NAGPA: variants seen among roughly 807,000 people sequenced by gnomAD.
The protein encoded by NAGPA is alpha-N-acetylglucosaminyl phosphodiesterase.
In NAGPA, 56 loss-of-function variants were observed where a neutral mutation model predicts 48.5. That is an observed-to-expected ratio of 1.15 (90% confidence interval 0.93 to 1.44). The LOEUF is 1.44. NAGPA is among the 40% of genes most tolerant of loss of function. The pLI, the probability that NAGPA is intolerant of heterozygous loss-of-function variation, is 0.00. For synonymous variants in NAGPA, 399 were observed against 315.5 expected, an observed-to-expected ratio of 1.26 and a Z score of -2.81; for missense variants, 888 against 735.0, an observed-to-expected ratio of 1.21 and a Z score of -2.41.
chr16:5,033,828 C>G lies in NAGPA; in HGVS notation c.86+1G>C. Reference sequence around the variant, plus strand: ...AGGCTGGCCCAGGGAGCTGCACTCACCCCGAGTCGAGGCCGCCGGACGCTT... The same window carrying G: ...AGGCTGGCCCAGGGAGCTGCACTCAGCCCGAGTCGAGGCCGCCGGACGCTT... On this transcript the variant is annotated splice_donor_variant, in intron 1 of 9. Coordinates refer to ENST00000312251, the MANE Select transcript of NAGPA (RefSeq NM_016256.4). LOFTEE classifies it high-confidence loss of function. This position sits in a 1 kb window ranked among gnomAD's most constrained non-coding sequence, Gnocchi z 4.2. The G allele has an allele frequency of 6.4e-7, 1 of 1,552,530 alleles. No individual in the cohort carries two copies. Among genetic ancestry groups the G allele is most frequent in the Non-Finnish European group, 8.7e-7 (1 of 1,148,726 alleles).
intron 3 of NAGPA, chr16:5,030,776 AGCCTCTTCCTCCTCCT>A (rs889771554): frequency 1.1e-4 from 56 of 490,022 alleles, no homozygotes; most frequent in Middle Eastern, 5.7e-4. Flanking sequence ...TGCCCTCCCC[AGCCTCTTCCTCCTCCT>A]GCCTCAGCTC....
At chr16:5,028,765 G>A in intron 5 of NAGPA, 115 bp downstream of exon 5, 1 of 1,538,828 alleles carries the variant, frequency 6.5e-7, no homozygotes, top group East Asian at 2.2e-5. Flanking sequence ...AGCAATTTCT[G>A]CTCTCTTGAA....
rs770242935 is a variant in NAGPA, at chr16:5,033,314, G to A, written c.501C>T (p.Asn167=). 1.1e-4 allele frequency: 177 copies of A among 1,597,216 alleles called. 1 individual carries two copies. The South Asian group carries it at 1.9e-3, about 17-fold the overall frequency. The change falls in exon 2 of 10, where the codon AAC becomes AAT. Residue 167 remains asparagine (N), a synonymous_variant. Transcript: ENST00000312251. The surrounding 1 kb of genome is among the most constrained non-coding windows in gnomAD (Gnocchi z 4.2). ...CGTCGCGGCGGATCCCGAACTGCGC[G>A]TTCTGCAGCCCCCCGGAGCTGCTCA... ...RRVSSSGGLQ[N]AQFGIRRDGT...
chr16:5,028,829 T>C, intron 5 of NAGPA, 51 bp downstream of exon 5: 1 of 1,612,916 alleles, frequency 6.2e-7, no homozygotes, highest in South Asian at 1.1e-5. Flanking sequence ...TGAGACAGGC[T>C]GGGGCAGACC....
At chr16:5,032,477 G>A (rs1464805775) in intron 2 of NAGPA, among the ~76,000 whole-genome samples, 2 of 146,098 alleles carry the variant, frequency 1.4e-5, no homozygotes, top group Non-Finnish European at 3.0e-5. Context: ...CCAATATGGT[G>A]AACCCACTCC....
In NAGPA at chr16:5,028,100, C is replaced by T. The variant is rs377245129; in HGVS notation, c.1006G>A (p.Gly336Ser). 5.1e-5 allele frequency: 82 copies of T among 1,612,464 alleles called. No individual in the cohort carries two copies. Among genetic ancestry groups the T allele is most frequent in the Admixed American group, 1.7e-4 (10 of 59,860 alleles). Residue 336 changes from glycine to serine, a missense_variant, in exon 6 of 10, where the codon GGC becomes AGC. Gly to Ser is a moderately conservative substitution (Grantham distance 56, BLOSUM62 0). Coordinates refer to ENST00000312251, the MANE Select transcript of NAGPA (RefSeq NM_016256.4). ...TGCCCGTCCACGCAGGTCCCGTGGC[C>T]GTGGCAGTCAGGCGGCTGGCAGCGG... ...EPRCQPPDCH[G>S]HGTCVDGHCQ...
chr16:5,027,089 G>A (rs1387209782), intron 9 of NAGPA, 46 bp downstream of exon 9: 5 of 1,603,684 alleles, frequency 3.1e-6, no homozygotes, highest in Non-Finnish European at 2.6e-6. Flanking sequence ...CGGGAGAGAA[G>A]GGGGATTCCT....
At chr16:5,032,027 A>G in intron 2 of NAGPA, 143 bp from the exon 3 acceptor site, 1 of 1,052,600 alleles carries the variant, frequency 9.5e-7, no homozygotes, top group East Asian at 2.5e-5. Context: ...TGTAGCTGGG[A>G]CAACTTAACA....
Position 5,027,022 on chromosome 16 carries a change from T to TC in NAGPA, c.1340+112_1340+113insG, listed in dbSNP as rs1481459774. ...TGGGGAGAGCTGGTCCCGCTTCCTC[T>TC]AAGGCAGGGAGCTGGCAGGGGACAA... On this transcript the variant is annotated intron_variant, in intron 9 of 9. Coordinates refer to ENST00000312251, the MANE Select transcript of NAGPA (RefSeq NM_016256.4). The TC allele has an allele frequency of 8.9e-6, 12 of 1,347,074 alleles. No homozygotes were observed. In the Admixed American group the frequency reaches 2.1e-4, roughly 24 times the overall value. The allele number at this position is 1,347,074 out of a possible 1,614,324, so 83.4% of individuals were successfully genotyped here.
intron 2 of NAGPA, among the ~76,000 whole-genome samples, 165 bp from the exon 3 acceptor site, chr16:5,032,049 C>T (rs1956109900): frequency 6.6e-6 from 1 of 152,196 alleles, no homozygotes; most frequent in African/African-American, 2.4e-5. Context: ...CCCTAGGAAT[C>T]TCCCTGTTGT....
At position 5,031,895 on chromosome 16, in the gene NAGPA, G is replaced by A. The variant is rs947308580; in HGVS notation, c.543-11C>T. On this transcript the variant is annotated splice_polypyrimidine_tract_variant and intron_variant, in intron 2 of 9. Coordinates refer to ENST00000312251, the MANE Select transcript of NAGPA (RefSeq NM_016256.4). ...TCCTCAGACAGGTACCTGGATCCGG[G>A]GAAGGTGGGAAGCTCACTCACCAGC... 2.5e-6 allele frequency: 4 copies of A among 1,614,114 alleles called. No homozygotes were observed. The highest frequency in any genetic ancestry group is 1.7e-5 in the Admixed American group (1 of 60,020).
intron 4 of NAGPA, chr16:5,029,447 C>G: frequency 7.0e-6 from 2 of 287,438 alleles, no homozygotes; most frequent in African/African-American, 2.2e-5. Flanking sequence ...GAAACCAAGA[C>G]CTCAGTCACA....
At chr16:5,031,057 G>A (rs190352842) in intron 3 of NAGPA, 72 of 171,728 alleles carry the variant, frequency 4.2e-4, no homozygotes, top group Non-Finnish European at 2.2e-4. Context: ...AGCCTCCCAA[G>A]TAGCTGGGAC....
At position 5,025,192 on chromosome 16, in the gene NAGPA, G is replaced by C. The variant is rs1370096820; in HGVS notation, c.*286C>G. Reference sequence around the variant, plus strand: ...CCAGGAGGAGGGAGACTCTTTGGCAGTGCGGCAGCCCTCCCGGGGGCACGG... The same window carrying C: ...CCAGGAGGAGGGAGACTCTTTGGCACTGCGGCAGCCCTCCCGGGGGCACGG... On this transcript the variant is annotated 3_prime_UTR_variant, in exon 10 of 10. Coordinates refer to ENST00000312251, the MANE Select transcript of NAGPA (RefSeq NM_016256.4). 2.0e-6 allele frequency: 1 copy of C among 493,204 alleles called. No individual in the cohort carries two copies. Among genetic ancestry groups the C allele is most frequent in the African/African-American group, 1.9e-5 (1 of 51,528 alleles). 30.6% of individuals were successfully genotyped at this position (493,204 alleles called of 1,614,324 possible). A position where few individuals can be genotyped will look rare whatever the true frequency, so the allele number is the denominator to read the frequency against.
chr16:5,031,856 T>G lies in NAGPA; in HGVS notation c.571A>C (p.Thr191Pro), dbSNP rs778637588. 1 of 1,614,162 alleles carries G rather than the reference T, an allele frequency of 6.2e-7. No homozygotes were observed. The highest frequency in any genetic ancestry group is 8.5e-7 in the Non-Finnish European group (1 of 1,180,012). The change falls in exon 3 of 10, where the codon ACT (threonine) becomes CCT (proline). Residue 191 changes from threonine (T) to proline (P), a missense_variant. Physicochemically the swap from Thr to Pro is conservative, Grantham distance 38. Coordinates refer to ENST00000312251, the MANE Select transcript of NAGPA (RefSeq NM_016256.4). ...GYLSEEEVLDTENPFVQLLSG... is the reference protein window; with the variant it reads ...GYLSEEEVLDPENPFVQLLSG... ...AGCAGCTGCACAAATGGGTTCTCAG[T>G]GTCCAGCACCTCCTCCTCAGACAGG...
chr16:5,030,824 T>G (rs1956083927), intron 3 of NAGPA, among the ~76,000 whole-genome samples: 1 of 152,190 alleles, frequency 6.6e-6, no homozygotes, highest in Non-Finnish European at 1.5e-5. Flanking sequence ...CTCACCACCC[T>G]GCAGCCACTT....
In NAGPA at chr16:5,033,398, G is replaced by A; in HGVS notation, c.417C>T (p.Gly139=). The change falls in exon 2 of 10, where the codon GGC becomes GGT. Residue 139 remains glycine, a synonymous_variant. Coordinates refer to ENST00000312251, the MANE Select transcript of NAGPA (RefSeq NM_016256.4). This position sits in a 1 kb window ranked among gnomAD's most constrained non-coding sequence, Gnocchi z 4.2. ...ACTCGCCCGAGTTCATGCGGAAGAA[G>A]CCGCCGTTCTGGGCGACACGGCAGT... is the stretch of plus-strand genomic sequence containing the variant. The part of the protein sequence containing the change: ...AADCRVAQNG[G]FFRMNSGECL... 2 of 1,596,606 alleles carry A rather than the reference G, an allele frequency of 1.3e-6. No homozygotes were observed. Among genetic ancestry groups the A allele is most frequent in the Non-Finnish European group, 1.7e-6 (2 of 1,179,200 alleles).
In NAGPA at chr16:5,027,801, G is replaced by A. The variant is rs769270260; in HGVS notation, c.1174+45C>T. On this transcript the variant is annotated intron_variant, in intron 7 of 9. Transcript: ENST00000312251. ...CAGCAGAGGAGCAGTGGGGGCTGCC[G>A]GGGGCCACCGTCTCCCCATCCGCTA... 86 of 1,549,336 alleles carry A rather than the reference G, an allele frequency of 5.6e-5. No individual in the cohort carries two copies. The African/African-American group carries it at 8.1e-4, about 15-fold the overall frequency.
chr16:5,030,704 C>G, intron 3 of NAGPA: 1 of 622,584 alleles, frequency 1.6e-6, no homozygotes. Context: ...CTATGCCAGC[C>G]TCCAGGTGAA....
Sources: allele counts gnomAD v4.1 joint callset (sites outside exome capture counted in the v4.1 genomes callset), GRCh38; gene constraint gnomAD v4.1.1; non-coding constraint Gnocchi (gnomAD v3.1); transcripts MANE v1.5; gene names NCBI Gene and HGNC (gene_info 2026-07-23, HGNC 2026-07-21).